Variants in NADSYN1 observed in about 807,000 individuals in gnomAD.
NADSYN1 encodes glutamine-dependent NAD(+) synthetase.
A neutral mutation model predicts 99.3 loss-of-function variants in NADSYN1; 80 were observed. The observed-to-expected ratio is 0.81, with a 90% CI of 0.67 to 0.97. The LOEUF is 0.97. Ranked by LOEUF, NADSYN1 falls within the 50% of genes least tolerant of loss-of-function variation. The probability of loss-of-function intolerance (pLI) is 0.00; values close to 1 mark genes in which losing one functional copy is unlikely to be tolerated. For missense variants in NADSYN1, 859 were observed against 948.5 expected, an observed-to-expected ratio of 0.91 and a Z score of 1.24; for synonymous variants, 385 against 372.1, an observed-to-expected ratio of 1.03 and a Z score of -0.40.
intron 2 of NADSYN1, among the ~76,000 whole-genome samples, chr11:71,457,157 G>A (rs1220402557): frequency 6.6e-6 from 1 of 152,258 alleles, no homozygotes; most frequent in Non-Finnish European, 1.5e-5. Context: ...TTCACATGTG[G>A]GCCAGGACGC....
At position 71,498,438 on chromosome 11, in the gene NADSYN1, G is replaced by A. The variant is rs778224768; in HGVS notation, c.1980G>A (p.Glu660=). ...MTTLTPAYHA[E]NYSPEDNRFD... is the part of the protein sequence containing the mutation. ...CGCTCACACCCGCGTACCACGCCGA[G>A]AACTACAGCCCTGAGGACAACAGGT... is the stretch of plus-strand genomic sequence containing the variant. Residue 660 remains glutamate, a synonymous_variant, in exon 20 of 21, where the codon GAG becomes GAA. Coordinates refer to ENST00000319023, the MANE Select transcript of NADSYN1 (RefSeq NM_018161.5). 1.7e-5 allele frequency: 28 copies of A among 1,614,186 alleles called. No individual in the cohort carries two copies. The East Asian group carries it at 6.0e-4, about 35-fold the overall frequency.
intron 20 of NADSYN1, 70 bp from the exon 21 acceptor site, chr11:71,501,228 GGTGC>G: frequency 7.4e-7 from 1 of 1,350,924 alleles, no homozygotes; most frequent in South Asian, 1.6e-5. Context: ...ACCCGCTTTT[GGTGC>G]GTGCCAGTGT....
intron 18 of NADSYN1, among the ~76,000 whole-genome samples, chr11:71,494,534 A>ATTTGT (rs1414068919): frequency 5.5e-5 from 4 of 72,334 alleles, no homozygotes; most frequent in South Asian, 3.7e-4. Context: ...TGATCCAAAA[A>ATTTGT]TTTCTTTTGT....
chr11:71,455,940 CAAAAAT>C (rs766406857), intron 2 of NADSYN1, among the ~76,000 whole-genome samples: 24 of 152,288 alleles, frequency 1.6e-4, no homozygotes, highest in Non-Finnish European at 2.4e-4. Flanking sequence ...AAAACAAAAA[CAAAAAT>C]GAAAACAAAA....
chr11:71,484,194 A>G, intron 14 of NADSYN1, 118 bp from the exon 15 acceptor site: 1 of 1,430,714 alleles, frequency 7.0e-7, no homozygotes, highest in South Asian at 1.3e-5. Context: ...ACCACAAATC[A>G]TACGCTTTAA....
rs140016378 is a variant in NADSYN1 at position 71,474,263 on chromosome 11, G to A, written c.667-132G>A. ...GGTCTGTGCTTCCCCACACATATGC[G>A]TTATCTCTGCGGTGGTGGGACCACT... On this transcript the variant is annotated intron_variant, in intron 8 of 20. Transcript: ENST00000319023. The A allele has an allele frequency of 1.5e-3, 1,826 of 1,201,888 alleles. 21 individuals are homozygous for A. In the South Asian group the frequency reaches 0.019, roughly 12 times the overall value. 74.5% of individuals were successfully genotyped at this position (1,201,888 alleles called of 1,614,324 possible). A position where few individuals can be genotyped will look rare whatever the true frequency, so the allele number is the denominator to read the frequency against.
chr11:71,470,505 A>C (rs1223282822), intron 5 of NADSYN1, among the ~76,000 whole-genome samples: 1 of 152,220 alleles, frequency 6.6e-6, no homozygotes, highest in East Asian at 1.9e-4. Flanking sequence ...TTAATTACAC[A>C]TGTGTGCCTT....
intron 13 of NADSYN1, among the ~76,000 whole-genome samples, chr11:71,482,563 T>C (rs1470069226): frequency 3.2e-5 from 3 of 92,336 alleles, no homozygotes; most frequent in African/African-American, 1.3e-4. Context: ...GGCCGTAGAC[T>C]GGGGTGCAGC....
At chr11:71,458,209 G>A (rs1949525666) in intron 2 of NADSYN1, among the ~76,000 whole-genome samples, 1 of 152,224 alleles carries the variant, frequency 6.6e-6, no homozygotes, top group South Asian at 2.1e-4. Context: ...TTAAAACTCA[G>A]AGAGAGGAGC....
intron 9 of NADSYN1, chr11:71,476,232 C>T: frequency 2.5e-6 from 1 of 395,226 alleles, no homozygotes; most frequent in South Asian, 1.8e-5. Context: ...ACCCGACGGC[C>T]TTCCACTCTG....
rs748365997 is a variant in NADSYN1, at chr11:71,491,902, A to T, written c.1763A>T (p.Glu588Val). 28 of 1,613,666 alleles carry T rather than the reference A, an allele frequency of 1.7e-5. 1 individual carries two copies. The South Asian group carries it at 2.5e-4, about 15-fold the overall frequency. The part of the protein sequence containing the change: ...LADGQVSQTD[E>V]EDMGMTYAEL... ...GATGGACAGGTGTCCCAGACCGACG[A>T]GGTAATGGCGGTGGCTTTGCCATGA... The change falls in exon 18 of 21, where the codon GAG becomes GTG. Residue 588 changes from glutamate (E) to valine (V), a missense_variant and splice_region_variant. By Grantham distance (121) the Glu-to-Val change is moderately radical. Transcript: ENST00000319023.
chr11:71,500,498 A>G (rs1009792477), intron 20 of NADSYN1, among the ~76,000 whole-genome samples: 5 of 152,238 alleles, frequency 3.3e-5, no homozygotes, highest in African/African-American at 9.6e-5. Flanking sequence ...TGAATGTCCT[A>G]CTGTGTGCAG....
At chr11:71,453,839 C>G (rs1050190143) in intron 1 of NADSYN1, among the ~76,000 whole-genome samples, 1 of 152,076 alleles carries the variant, frequency 6.6e-6, no homozygotes, top group African/African-American at 2.4e-5. Context: ...TAGAAAAAGA[C>G]GCCTGTCATC....
chr11:71,458,869 G>C (rs946730679), intron 3 of NADSYN1: 2 of 265,648 alleles, frequency 7.5e-6, no homozygotes, highest in African/African-American at 4.4e-5. Flanking sequence ...AGGGAGCCCT[G>C]GGGCTCATTC....
intron 18 of NADSYN1, among the ~76,000 whole-genome samples, chr11:71,494,994 GT>G (rs1949809986): frequency 6.6e-6 from 1 of 151,428 alleles, no homozygotes; most frequent in Non-Finnish European, 1.5e-5. Context: ...ATAACTTTTT[GT>G]TTTGTTGATT....
At chr11:71,472,691 T>C (rs2282618) in intron 6 of NADSYN1, among the ~76,000 whole-genome samples, 191 bp downstream of exon 6, 128,508 of 152,202 alleles carry the variant, frequency 0.84, 55,504 homozygotes, top group Non-Finnish European at 0.95. Context: ...GCAGCCAGGG[T>C]GGCTCCTCCT....
chr11:71,481,312 C>A, intron 11 of NADSYN1, 44 bp from the exon 12 acceptor site: 1 of 1,607,250 alleles, frequency 6.2e-7, no homozygotes, highest in Non-Finnish European at 8.5e-7. Flanking sequence ...GTGCTGTGGG[C>A]AGGGGCCACC....
At position 71,501,356 on chromosome 11, in the gene NADSYN1, C is replaced by T. The variant is rs376705127; in HGVS notation, c.*4C>T. ...GTCCCTGGACGGCGTGGACTGAGGC[C>T]GGTTCCTTCCTGGAGGCCTCCTGTC... is the stretch of plus-strand genomic sequence containing the variant. On this transcript the variant is annotated 3_prime_UTR_variant, in exon 21 of 21. Coordinates refer to ENST00000319023, the MANE Select transcript of NADSYN1 (RefSeq NM_018161.5). 2.0e-5 allele frequency: 32 copies of T among 1,602,850 alleles called. 1 individual carries two copies. The highest frequency in any genetic ancestry group is 4.5e-5 in the South Asian group (4 of 88,650).
At chr11:71,460,984 G>A (rs1949546689) in intron 3 of NADSYN1, 1 of 152,210 alleles carries the variant, frequency 6.6e-6, no homozygotes, top group Non-Finnish European at 1.5e-5. Context: ...CACTTACTGA[G>A]TTGAACTTTT....
Sources: gnomAD v4.1 joint callset for allele counts (sites outside exome capture counted in the v4.1 genomes callset) on GRCh38, gnomAD v4.1.1 for gene constraint, MANE v1.5 for transcripts, NCBI Gene and HGNC (gene_info 2026-07-23, HGNC 2026-07-21) for gene names.